The following VEGFA variants were observed in gnomAD, a reference collection of about 807,000 sequenced individuals.
VEGFA encodes the protein vascular endothelial growth factor A, long form.
VEGFA carries 20 observed loss-of-function variants against 49.7 expected under a neutral mutation model. The ratio of observed to expected loss-of-function variants is 0.40; its 90% CI spans 0.28 to 0.58. VEGFA has a LOEUF of 0.58. Among genes scored for constraint, VEGFA ranks in the 20% least tolerant of loss-of-function variants. The pLI is 0.40. For synonymous variants in VEGFA, 219 were observed against 223.4 expected (o/e 0.98, Z 0.18); for missense variants, 505 against 553.5 (o/e 0.91, Z 0.88).
rs1212415280 is a variant in VEGFA at position 43,771,130 on chromosome 6, G to T, written c.424G>T (p.Ala142Ser). ...GCGCGCTCCCCAGGCCCTGGCCCGG[G>T]CCTCGGGCCGGGGAGGAAGAGTAGC... Residue 142 changes from alanine to serine, a missense_variant, in exon 1 of 8, where the codon GCC becomes TCC. By Grantham distance (99) the Ala-to-Ser change is moderately conservative. Around this residue, in one of 2 missense-constraint regions of VEGFA, gnomAD observed 340 missense variants for 321.8 expected, o/e 1.06. Transcript: ENST00000672860. The T allele has an allele frequency of 2.7e-6, 4 of 1,494,896 alleles. No homozygotes were observed. In the African/African-American group the frequency reaches 5.9e-5, roughly 22 times the overall value. 92.6% of individuals were successfully genotyped at this position (1,494,896 alleles called of 1,614,324 possible).
chr6:43,771,662 C>T (rs1165942311), intron 1 of VEGFA, among the ~76,000 whole-genome samples: 1 of 152,208 alleles, frequency 6.6e-6, no homozygotes, highest in Non-Finnish European at 1.5e-5. Flanking sequence ...CCGCTGGTCC[C>T]GGACGAACTG....
chr6:43,771,441 T>G (rs1763516493), intron 1 of VEGFA, 129 bp downstream of exon 1: 3 of 945,242 alleles, frequency 3.2e-6, no homozygotes, highest in Non-Finnish European at 4.4e-6. Flanking sequence ...GCGTGCGGCG[T>G]CCCCCTCTGT....
intron 5 of VEGFA, chr6:43,779,900 C>T: frequency 3.0e-6 from 1 of 331,688 alleles, no homozygotes. Flanking sequence ...TGCCCCCCTT[C>T]CTGTTTCCCC....
At chr6:43,780,992 C>A in intron 6 of VEGFA, 189 bp downstream of exon 6, 1 of 1,428,410 alleles carries the variant, frequency 7.0e-7, no homozygotes, top group Non-Finnish European at 9.7e-7. Context: ...TTGGTGGTGG[C>A]ATTGCTGGTC....
At chr6:43,780,665 C>G (rs1004702325) in intron 5 of VEGFA, 67 bp from the exon 6 acceptor site, 1 of 1,561,972 alleles carries the variant, frequency 6.4e-7, no homozygotes, top group Non-Finnish European at 8.7e-7. Context: ...CCCTGCCCAC[C>G]TTACCACTTC....
In VEGFA at chr6:43,770,914, C is replaced by A; in HGVS notation, c.208C>A (p.Arg70Ser). Residue 70 changes from arginine to serine, a missense_variant, in exon 1 of 8, where the codon CGC becomes AGC. Physicochemically the swap from Arg to Ser is moderately radical, Grantham distance 110 (BLOSUM62 -1). Coordinates refer to ENST00000672860, the MANE Select transcript of VEGFA (RefSeq NM_003376.6). ...TTCTCGCTTCGGAGGAGCCGTGGTCCGCGCGGGGGAAGCCGAGCCGAGCGG... is the reference window on the plus strand; with the variant it reads ...TTCTCGCTTCGGAGGAGCCGTGGTCAGCGCGGGGGAAGCCGAGCCGAGCGG... The A allele has an allele frequency of 6.5e-7, 1 of 1,544,410 alleles. No individual in the cohort carries two copies. Among genetic ancestry groups the A allele is most frequent in the South Asian group, 1.2e-5 (1 of 83,220 alleles).
chr6:43,770,409 T>G lies in VEGFA; in HGVS notation c.-298T>G. 2.5e-6 allele frequency: 1 copy of G among 407,520 alleles called. No individual in the cohort carries two copies. The highest frequency in any genetic ancestry group is 2.1e-5 in the African/African-American group (1 of 48,532). 25.2% of individuals were successfully genotyped at this position (407,520 alleles called of 1,614,324 possible). On this transcript the variant is annotated 5_prime_UTR_variant, in exon 1 of 8. Transcript: ENST00000672860. The stretch of plus-strand genomic sequence containing the variant: ...TTAAACATTTTTTTTTAAAACTGTA[T>G]TGTTTCTCGTTTTAATTTATTTTTG...
intron 4 of VEGFA, 74 bp from the exon 5 acceptor site, chr6:43,778,815 G>C: frequency 6.6e-7 from 1 of 1,506,118 alleles, no homozygotes; most frequent in Non-Finnish European, 9.2e-7. Context: ...TATTATTGTT[G>C]TTATCCCTAT....
At chr6:43,771,469 G>T (rs999293305) in intron 1 of VEGFA, among the ~76,000 whole-genome samples, 157 bp downstream of exon 1, 1 of 151,600 alleles carries the variant, frequency 6.6e-6, no homozygotes, top group Non-Finnish European at 1.5e-5. Flanking sequence ...GGTGCAGGGG[G>T]AGGGGGCGCG....
In VEGFA at chr6:43,785,205, A is replaced by G. The variant is rs1053956091; in HGVS notation, c.*643A>G. On this transcript the variant is annotated 3_prime_UTR_variant, in exon 8 of 8. Coordinates refer to ENST00000672860, the MANE Select transcript of VEGFA (RefSeq NM_003376.6). ...TGTGCAAGGCCAGGGCATGGGGGCA[A>G]ATATGACCCAGTTTTGGGAACACCG... 1.6e-5 allele frequency: 3 copies of G among 192,086 alleles called. No individual in the cohort carries two copies. The highest frequency in any genetic ancestry group is 1.2e-4 in the Admixed American group (2 of 16,278). 11.9% of individuals were successfully genotyped at this position (192,086 alleles called of 1,614,324 possible).
intron 5 of VEGFA, 44 bp downstream of exon 5, chr6:43,778,962 T>A (rs1243359502): frequency 6.2e-6 from 10 of 1,612,532 alleles, no homozygotes; most frequent in African/African-American, 1.3e-5. Flanking sequence ...CCATGGCCGG[T>A]TGTCTTGGTT....
chr6:43,781,129 C>G (rs1767549835), intron 6 of VEGFA: 1 of 557,800 alleles, frequency 1.8e-6, no homozygotes, highest in Non-Finnish European at 3.2e-6. Context: ...GGCACAGGTG[C>G]CTGCTCACCC....
chr6:43,784,884 G>C lies in VEGFA; in HGVS notation c.*322G>C, dbSNP rs1042624192. On this transcript the variant is annotated 3_prime_UTR_variant, in exon 8 of 8. Coordinates refer to ENST00000672860, the MANE Select transcript of VEGFA (RefSeq NM_003376.6). The stretch of plus-strand genomic sequence containing the variant: ...GGAAGATTAGAGAGTTTTATTTCTG[G>C]GATTCCTGTAGACACACCCACCCAC... 1.9e-5 allele frequency: 10 copies of C among 513,264 alleles called. No homozygotes were observed. Among genetic ancestry groups the C allele is most frequent in the African/African-American group, 1.2e-4 (6 of 50,610 alleles). 31.8% of individuals were successfully genotyped at this position (513,264 alleles called of 1,614,324 possible).
At chr6:43,780,581 C>G in intron 5 of VEGFA, 151 bp from the exon 6 acceptor site, 2 of 1,162,010 alleles carry the variant, frequency 1.7e-6, no homozygotes, top group Non-Finnish European at 2.5e-6. Flanking sequence ...GCATGCCTCC[C>G]CAGAGACCAC....
chr6:43,771,045 T>C lies in VEGFA; in HGVS notation c.339T>C (p.Ala113=), dbSNP rs778993690. ...GGGGGCCGCAGTGGCGACTCGGCGC[T>C]CGGAAGCCGGGCTCATGGACGGGTG... Residue 113 remains alanine, a synonymous_variant, in exon 1 of 8, where the codon GCT becomes GCC. Coordinates refer to ENST00000672860, the MANE Select transcript of VEGFA (RefSeq NM_003376.6). 4 of 1,520,560 alleles carry C rather than the reference T, an allele frequency of 2.6e-6. No individual in the cohort carries two copies. The highest frequency in any genetic ancestry group is 1.4e-5 in the African/African-American group (1 of 69,664). The allele number at this position is 1,520,560 out of a possible 1,614,324, so 94.2% of individuals were successfully genotyped here.
chr6:43,774,144 ACCATAGCAGT>A, intron 1 of VEGFA, 187 bp from the exon 2 acceptor site: 2 of 643,954 alleles, frequency 3.1e-6, no homozygotes, highest in Non-Finnish European at 5.6e-6. Flanking sequence ...CGGGTTCATA[ACCATAGCAGT>A]CCAGGAGTGG....
In VEGFA at chr6:43,773,920, C is replaced by T. The variant is rs1422167872; in HGVS notation, c.607-421C>T. The T allele has an allele frequency of 4.2e-6, 1 of 240,498 alleles. No homozygotes were observed. The highest frequency in any genetic ancestry group is 8.5e-6 in the Non-Finnish European group (1 of 117,058). The allele number at this position is 240,498 out of a possible 1,614,324, so 14.9% of individuals were successfully genotyped here. A position where few individuals can be genotyped will look rare whatever the true frequency, so the allele number is the denominator to read the frequency against. On this transcript the variant is annotated intron_variant, in intron 1 of 7. Coordinates refer to ENST00000672860, the MANE Select transcript of VEGFA (RefSeq NM_003376.6). This position sits in a 1 kb window ranked among gnomAD's most constrained non-coding sequence, Gnocchi z 5.6. Reference sequence around the variant, plus strand: ...GGTCACCATGTTGTTTTTCTCGCCCCTAGTCCTTCCTTCCTGCCCCAGTCC... The same window carrying T: ...GGTCACCATGTTGTTTTTCTCGCCCTTAGTCCTTCCTTCCTGCCCCAGTCC...
Position 43,777,711 on chromosome 6 carries a change from G to GGCCCCCCCCGCCCCC in VEGFA, c.855+46_855+47insGCCCCCCCCGCCCCC. ...GGGCAAGGGGGGGATAGGGAGGGGG[G>GGCCCCCCCCGCCCCC]TAACACTTTGGGAACAGGTGGTCCC... On this transcript the variant is annotated intron_variant, in intron 3 of 7. Transcript: ENST00000672860. This position sits in a 1 kb window ranked among gnomAD's most constrained non-coding sequence, Gnocchi z 4.3. 1.7e-6 allele frequency: 1 copy of GGCCCCCCCCGCCCCC among 588,466 alleles called. No homozygotes were observed. 36.5% of individuals were successfully genotyped at this position (588,466 alleles called of 1,614,324 possible). A position where few individuals can be genotyped will look rare whatever the true frequency, so the allele number is the denominator to read the frequency against.
At chr6:43,778,633 G>T (rs755334379) in intron 4 of VEGFA, 97 bp downstream of exon 4, 1 of 1,315,288 alleles carries the variant, frequency 7.6e-7, no homozygotes, top group Non-Finnish European at 1.1e-6. Flanking sequence ...CCCCCGTCCA[G>T]CTTCCCGCTA....
Sources: allele counts gnomAD v4.1 joint callset (sites outside exome capture counted in the v4.1 genomes callset), GRCh38; gene constraint gnomAD v4.1.1; regional missense constraint gnomAD v4.1.1; non-coding constraint Gnocchi (gnomAD v3.1); transcripts MANE v1.5; gene names NCBI Gene and HGNC (gene_info 2026-07-23, HGNC 2026-07-21).